PLD5: variants seen among roughly 807,000 people sequenced by gnomAD.
PLD5 encodes the protein phospholipase D family member 5.
A neutral mutation model predicts 61.1 loss-of-function variants in PLD5; 36 were observed. The observed-to-expected ratio is 0.59, with a 90% CI of 0.45 to 0.78. The LOEUF (loss-of-function observed/expected upper bound fraction) is 0.78, where lower values mean the gene tolerates loss of function less well. Among genes scored for constraint, PLD5 ranks in the 30% least tolerant of loss-of-function variants. The probability of loss-of-function intolerance (pLI) is 0.00; values close to 1 mark genes in which losing one functional copy is unlikely to be tolerated. For synonymous variants in PLD5, 243 were observed against 242.8 expected (o/e 1.00, Z -0.01); for missense variants, 515 against 644.4 (o/e 0.80, Z 2.17).
chr1:242,185,182 T>C (rs1667791314), intron 5 of PLD5, among the ~76,000 whole-genome samples: 1 of 152,158 alleles, frequency 6.6e-6, no homozygotes, highest in African/African-American at 2.4e-5. Context: ...GTCTCCCAAC[T>C]GGCCCCATAT....
intron 5 of PLD5, among the ~76,000 whole-genome samples, chr1:242,206,487 A>G (rs1222786738): frequency 6.6e-6 from 1 of 152,186 alleles, no homozygotes; most frequent in East Asian, 1.9e-4. Flanking sequence ...TGATCCTTAT[A>G]CAGTCAAAAA....
At chr1:242,469,112 C>T (rs1440255651) in intron 1 of PLD5, among the ~76,000 whole-genome samples, 2 of 152,196 alleles carry the variant, frequency 1.3e-5, no homozygotes, top group African/African-American at 4.8e-5. Context: ...TCTTTGTTTA[C>T]TACTTTAAAC....
intron 5 of PLD5, among the ~76,000 whole-genome samples, chr1:242,205,733 CT>C (rs1266756384): frequency 6.6e-6 from 1 of 152,204 alleles, no homozygotes; most frequent in Non-Finnish European, 1.5e-5. Context: ...TCTTTCAAAA[CT>C]CGTAAATCCT....
rs111265340 is a variant in PLD5, at chr1:242,489,256, G to T, written c.189+34832C>A. 3.4e-4 allele frequency among the ~76,000 whole-genome samples: 52 copies of T among 152,120 alleles called. 1 individual carries two copies. The highest frequency in any genetic ancestry group is 1.2e-3 in the African/African-American group (49 of 41,528). ...TGAGTCCATCATCCGTCCCTTTTTG[G>T]GGTGATGGAGGCATTATATATCTTG... On this transcript the variant is annotated intron_variant, in intron 1 of 9. Coordinates refer to ENST00000536534, the MANE Select transcript of PLD5 (RefSeq NM_001372062.1).
At chr1:242,517,008 A>C (rs1669124920) in intron 1 of PLD5, among the ~76,000 whole-genome samples, 1 of 150,518 alleles carries the variant, frequency 6.6e-6, no homozygotes, top group African/African-American at 2.5e-5. Flanking sequence ...GTTAGACTGG[A>C]ATTTCTAATA....
chr1:242,336,521 T>C (rs1488616461), intron 2 of PLD5, among the ~76,000 whole-genome samples: 1 of 152,162 alleles, frequency 6.6e-6, no homozygotes, highest in Non-Finnish European at 1.5e-5. Flanking sequence ...TGGAAAAAAA[T>C]CGTTCATGGT....
At chr1:242,454,108 T>C (rs1666869781) in intron 1 of PLD5, among the ~76,000 whole-genome samples, 1 of 152,142 alleles carries the variant, frequency 6.6e-6, no homozygotes, top group Admixed American at 6.5e-5. Context: ...GGTGGGCAGA[T>C]CACTTGAGGT....
chr1:242,297,678 GCCGGA>G (rs1675780395), intron 2 of PLD5, among the ~76,000 whole-genome samples: 1 of 141,982 alleles, frequency 7.0e-6, no homozygotes, highest in Admixed American at 7.2e-5. Context: ...TGTCGCCCAG[GCCGGA>G]CTGCGGACTG....
At chr1:242,202,388 A>C (rs1216998572) in intron 5 of PLD5, among the ~76,000 whole-genome samples, 1 of 152,106 alleles carries the variant, frequency 6.6e-6, no homozygotes, top group African/African-American at 2.4e-5. Context: ...GCTCACATTT[A>C]TTGAGCTTAC....
At chr1:242,183,620 G>A (rs1667660382) in intron 5 of PLD5, among the ~76,000 whole-genome samples, 1 of 152,208 alleles carries the variant, frequency 6.6e-6, no homozygotes, top group South Asian at 2.1e-4. Context: ...CCTAGGCCGG[G>A]CGCGGTGGCT....
intron 2 of PLD5, among the ~76,000 whole-genome samples, chr1:242,343,382 G>A (rs1196011433): frequency 2.0e-5 from 3 of 152,202 alleles, no homozygotes; most frequent in African/African-American, 4.8e-5. Flanking sequence ...GCATCATGGG[G>A]TAGAGTTAGC....
intron 1 of PLD5, among the ~76,000 whole-genome samples, chr1:242,515,752 G>A (rs2810001): frequency 0.17 from 26,467 of 152,028 alleles, 2,388 homozygotes; most frequent in Middle Eastern, 0.21. Flanking sequence ...ATAATGCTTC[G>A]GTAAGCATTT....
intron 9 of PLD5, among the ~76,000 whole-genome samples, chr1:242,099,345 T>C (rs1193333952): frequency 6.6e-6 from 1 of 152,156 alleles, no homozygotes; most frequent in East Asian, 1.9e-4. Flanking sequence ...CAAGCTGGTC[T>C]TGAACTCCTG....
At position 242,170,759 on chromosome 1, in the gene PLD5, T is replaced by A. The variant is rs1030153653; in HGVS notation, c.736-46094A>T. On this transcript the variant is annotated intron_variant, in intron 5 of 9. Transcript: ENST00000536534. ...CACAGCGTGAGAACTTCGTGAAGCA[T>A]ACATGAGTATTAGTAGCCAAATCGA... 2.0e-5 allele frequency among the ~76,000 whole-genome samples: 3 copies of A among 152,114 alleles called. No individual in the cohort carries two copies. In the East Asian group the frequency reaches 5.8e-4, roughly 29 times the overall value.
intron 5 of PLD5, among the ~76,000 whole-genome samples, chr1:242,170,900 C>G (rs942113650): frequency 2.6e-5 from 4 of 152,070 alleles, no homozygotes; most frequent in African/African-American, 9.7e-5. Flanking sequence ...TGTGAAAAGA[C>G]CAAATCTACA....
At chr1:242,289,069 T>C (rs1021269454) in intron 2 of PLD5, among the ~76,000 whole-genome samples, 4 of 152,194 alleles carry the variant, frequency 2.6e-5, no homozygotes, top group African/African-American at 9.6e-5. Context: ...AAGAAAATTA[T>C]AAAACCTGCT....
At position 242,393,201 on chromosome 1, in the gene PLD5, CAA is replaced by C. The variant is rs573903104; in HGVS notation, c.190-44961_190-44960del. On this transcript the variant is annotated intron_variant, in intron 1 of 9. Transcript: ENST00000536534. ...CCTGGATAAGACGACGACTCCGTCT[CAA>C]AAAAATATATATATATATATGAGTA... 2.7e-3 allele frequency among the ~76,000 whole-genome samples: 199 copies of C among 73,616 alleles called. 1 individual carries two copies. The highest frequency in any genetic ancestry group is 4.4e-3 in the Admixed American group (22 of 5,004). 48.3% of individuals were successfully genotyped at this position (73,616 alleles called of 152,430 possible). A position where few individuals can be genotyped will look rare whatever the true frequency, so the allele number is the denominator to read the frequency against.
intron 2 of PLD5, among the ~76,000 whole-genome samples, chr1:242,312,262 G>T (rs941948755): frequency 6.7e-6 from 1 of 150,284 alleles, no homozygotes; most frequent in Non-Finnish European, 1.5e-5. Flanking sequence ...AATGTCTTGC[G>T]ATCTTTTGTT....
intron 8 of PLD5, among the ~76,000 whole-genome samples, chr1:242,106,694 T>C (rs920640647): frequency 3.3e-5 from 5 of 152,208 alleles, no homozygotes; most frequent in Non-Finnish European, 5.9e-5. Flanking sequence ...TTGGAAGCCA[T>C]GTGTCAAAGT....
Sources: gnomAD v4.1 joint callset for allele counts (sites outside exome capture counted in the v4.1 genomes callset) on GRCh38, gnomAD v4.1.1 for gene constraint, MANE v1.5 for transcripts, NCBI Gene and HGNC (gene_info 2026-07-23, HGNC 2026-07-21) for gene names.